The following PKHD1L1 variants were observed in gnomAD, a reference collection of about 807,000 sequenced individuals.
The protein encoded by PKHD1L1 is fibrocystin-L.
A neutral mutation model predicts 462.9 loss-of-function variants in PKHD1L1; 434 were observed. The ratio of observed to expected loss-of-function variants is 0.94; its 90% CI spans 0.87 to 1.02. The LOEUF (loss-of-function observed/expected upper bound fraction) is 1.02. Among genes scored for constraint, PKHD1L1 ranks in the 50% least tolerant of loss-of-function variants. The pLI, the probability that PKHD1L1 is intolerant of heterozygous loss-of-function variation, is 0.00. For synonymous variants in PKHD1L1, 1,781 were observed against 1,750.0 expected (o/e 1.02, Z -0.44); for missense variants, 5,202 against 5,096.1 (o/e 1.02, Z -0.63).
chr8:109,456,964 G>A (rs931308869), intron 46 of PKHD1L1, among the ~76,000 whole-genome samples: 9 of 152,050 alleles, frequency 5.9e-5, no homozygotes, highest in African/African-American at 1.7e-4. Context: ...TTTTAAAACC[G>A]AAACTACTTA....
At chr8:109,441,508 A>C (rs941939423) in intron 34 of PKHD1L1, 129 bp downstream of exon 34, 8 of 657,890 alleles carry the variant, frequency 1.2e-5, no homozygotes, top group Non-Finnish European at 1.7e-5. Flanking sequence ...ATTTGTCAGC[A>C]GTAACTGCTT....
intron 32 of PKHD1L1, among the ~76,000 whole-genome samples, chr8:109,440,242 A>G (rs1815698736): frequency 6.6e-6 from 1 of 152,120 alleles, no homozygotes; most frequent in Admixed American, 6.6e-5. Flanking sequence ...AAGTAATGGG[A>G]AGGGAGACCC....
chr8:109,481,608 C>G (rs1413144708), intron 56 of PKHD1L1, 46 bp downstream of exon 56: 7 of 1,471,614 alleles, frequency 4.8e-6, no homozygotes, highest in African/African-American at 1.4e-5. Context: ...TTTTAAGAAT[C>G]TACTTTAAAA....
chr8:109,509,676 T>C (rs1386598250), intron 70 of PKHD1L1, among the ~76,000 whole-genome samples: 1 of 151,896 alleles, frequency 6.6e-6, no homozygotes, highest in East Asian at 1.9e-4. Flanking sequence ...TAAATTTTTA[T>C]GTTATACATG....
At chr8:109,436,252 G>C (rs149346011) in intron 29 of PKHD1L1, 86 bp from the exon 30 acceptor site, 1 of 1,399,218 alleles carries the variant, frequency 7.1e-7, no homozygotes, top group Admixed American at 2.0e-5. Flanking sequence ...ATTCTCAAAA[G>C]ACAATTCTCA....
At chr8:109,424,391 A>G (rs1814630215) in intron 23 of PKHD1L1, among the ~76,000 whole-genome samples, 1 of 152,216 alleles carries the variant, frequency 6.6e-6, no homozygotes, top group Admixed American at 6.5e-5. Context: ...TTATGAATAT[A>G]GCTGCTAGGA....
intron 59 of PKHD1L1, among the ~76,000 whole-genome samples, chr8:109,488,454 G>A (rs1783141): frequency 0.34 from 52,005 of 151,556 alleles, 9,218 homozygotes; most frequent in South Asian, 0.52. Context: ...TTTCTGATAC[G>A]GCAAGCACAT....
In PKHD1L1 at chr8:109,466,770, G is replaced by T; in HGVS notation, c.8605+1G>T. On this transcript the variant is annotated splice_donor_variant, in intron 50 of 77. Coordinates refer to ENST00000378402, the MANE Select transcript of PKHD1L1 (RefSeq NM_177531.6). LOFTEE classifies it high-confidence loss of function. ...GATGTGGTTCTTTCAGACTCTTTTG[G>T]TAAGTGGAATATATTAGTTTAAACA... is the stretch of plus-strand genomic sequence containing the variant. 5.6e-6 allele frequency: 9 copies of T among 1,608,314 alleles called. No homozygotes were observed. Among genetic ancestry groups the T allele is most frequent in the Non-Finnish European group, 7.6e-6 (9 of 1,177,424 alleles).
intron 27 of PKHD1L1, among the ~76,000 whole-genome samples, chr8:109,431,648 T>C (rs1815109200): frequency 6.6e-6 from 1 of 152,218 alleles, no homozygotes; most frequent in Non-Finnish European, 1.5e-5. Flanking sequence ...TGAGATATAT[T>C]TATGTGGTTT....
intron 17 of PKHD1L1, 85 bp from the exon 18 acceptor site, chr8:109,407,964 A>G (rs973600655): frequency 4.3e-6 from 4 of 924,972 alleles, no homozygotes; most frequent in Non-Finnish European, 5.6e-6. Context: ...TTGAGTGTCT[A>G]TTAAATATAT....
At position 109,419,240 on chromosome 8, in the gene PKHD1L1, C is replaced by T. The variant is rs1253704235; in HGVS notation, c.2504C>T (p.Ser835Phe). 3.0e-5 allele frequency: 48 copies of T among 1,605,910 alleles called. No individual in the cohort carries two copies. The highest frequency in any genetic ancestry group is 2.5e-5 in the Non-Finnish European group (29 of 1,175,248). ...YVDVVYIGHTSTISTLDEMPK... is the reference protein window; with the variant it reads ...YVDVVYIGHTFTISTLDEMPK... Reference sequence around the variant, plus strand: ...GATGTAGTGTACATTGGACACACATCTACAATCTCAACATTGGATGGTATG... The same window carrying T: ...GATGTAGTGTACATTGGACACACATTTACAATCTCAACATTGGATGGTATG... Residue 835 changes from serine to phenylalanine, a missense_variant, in exon 22 of 78, where the codon TCT becomes TTT. Physicochemically the swap from Ser to Phe is radical, Grantham distance 155 (BLOSUM62 -2). Around this residue, in one of 3 missense-constraint regions of PKHD1L1, gnomAD observed 4,497 missense variants for 4,336.8 expected, o/e 1.04. Transcript: ENST00000378402.
intron 19 of PKHD1L1, among the ~76,000 whole-genome samples, chr8:109,410,828 A>C (rs1242567930): frequency 4.8e-5 from 7 of 145,198 alleles, no homozygotes; most frequent in Admixed American, 2.8e-4. Flanking sequence ...TCCCAAGTTC[A>C]AGCAATTTTC....
chr8:109,486,314 C>T (rs1358534548), intron 58 of PKHD1L1, among the ~76,000 whole-genome samples: 1 of 151,938 alleles, frequency 6.6e-6, no homozygotes, highest in Non-Finnish European at 1.5e-5. Flanking sequence ...TTACAATACA[C>T]TTCTCAATTT....
chr8:109,511,074 AATT>A (rs1173207978), intron 71 of PKHD1L1, 140 bp downstream of exon 71: 3 of 957,906 alleles, frequency 3.1e-6, no homozygotes, highest in Admixed American at 2.9e-5. Flanking sequence ...GTACCACTGA[AATT>A]ATTATTAGCC....
chr8:109,442,901 C>T (rs1026656772), intron 35 of PKHD1L1, 45 bp from the exon 36 acceptor site: 2 of 1,542,788 alleles, frequency 1.3e-6, no homozygotes, highest in African/African-American at 1.4e-5. Flanking sequence ...TTCAAATATG[C>T]ATTAATTGCT....
chr8:109,446,963 C>T (rs985250264), intron 38 of PKHD1L1, among the ~76,000 whole-genome samples: 6 of 152,176 alleles, frequency 3.9e-5, no homozygotes, highest in African/African-American at 1.4e-4. Flanking sequence ...GTGGCTCACG[C>T]CTGTAATCCT....
rs567258715 is a variant in PKHD1L1 at position 109,465,114 on chromosome 8, G to A, written c.8282G>A (p.Gly2761Glu). ...CVALGVTSIS[G>E]VCNDRCGGWS... ...GCTTTGGGAGTGACATCCATCTCTG[G>A]AGTTTGTAATGACAGATGTGGGGGT... Residue 2761 changes from glycine (G) to glutamate (E), a missense_variant, in exon 49 of 78, where the codon GGA (glycine) becomes GAA (glutamate). Physicochemically the swap from Gly to Glu is moderately conservative, Grantham distance 98 (BLOSUM62 -2). Transcript: ENST00000378402. 112 of 1,613,776 alleles carry A rather than the reference G, an allele frequency of 6.9e-5. No homozygotes were observed. In the South Asian group the frequency reaches 1.2e-3, roughly 17 times the overall value.
intron 56 of PKHD1L1, 28 bp downstream of exon 56, chr8:109,481,590 C>G (rs1209253897): frequency 6.6e-7 from 1 of 1,524,054 alleles, no homozygotes; most frequent in Non-Finnish European, 8.8e-7. Flanking sequence ...CCAAAAGTGT[C>G]ACATCTGTTT....
At chr8:109,478,408 A>G (rs1818107272) in intron 53 of PKHD1L1, among the ~76,000 whole-genome samples, 1 of 152,160 alleles carries the variant, frequency 6.6e-6, no homozygotes, top group Non-Finnish European at 1.5e-5. Context: ...AACAGAAGAT[A>G]AAGTATGTAA....
Sources: allele counts gnomAD v4.1 joint callset (sites outside exome capture counted in the v4.1 genomes callset), GRCh38; gene constraint gnomAD v4.1.1; regional missense constraint gnomAD v4.1.1; transcripts MANE v1.5; gene names NCBI Gene and HGNC (gene_info 2026-07-23, HGNC 2026-07-21).